Variants in FAM184B observed in about 807,000 individuals in gnomAD.
The protein encoded by FAM184B is protein FAM184B.
FAM184B carries 111 observed loss-of-function variants against 135.9 expected under a neutral mutation model. The observed-to-expected ratio is 0.82, with a 90% CI of 0.70 to 0.96. The LOEUF (loss-of-function observed/expected upper bound fraction) is 0.96. Among genes scored for constraint, FAM184B ranks in the 40% least tolerant of loss-of-function variants. The pLI, the probability that FAM184B is intolerant of heterozygous loss-of-function variation, is 0.00. For missense variants in FAM184B, 1,375 were observed against 1,323.9 expected (o/e 1.04, Z -0.60); for synonymous variants, 552 against 524.8 (o/e 1.05, Z -0.71).
intron 11 of FAM184B, among the ~76,000 whole-genome samples, chr4:17,651,353 C>T (rs144541508): frequency 0.015 from 2,203 of 151,770 alleles, 24 homozygotes; most frequent in Middle Eastern, 0.024. Flanking sequence ...CTGGCTAACA[C>T]GGTGAAACCT....
At chr4:17,745,522 G>A (rs980373869) in intron 1 of FAM184B, among the ~76,000 whole-genome samples, 6 of 152,154 alleles carry the variant, frequency 3.9e-5, no homozygotes, top group Non-Finnish European at 8.8e-5. Flanking sequence ...TACTGGCCTG[G>A]CCAAGACCCT....
intron 7 of FAM184B, among the ~76,000 whole-genome samples, chr4:17,678,669 G>A (rs12509962): frequency 0.51 from 77,969 of 151,976 alleles, 22,827 homozygotes; most frequent in East Asian, 0.82. Context: ...CCAGAACTAG[G>A]AAAAAACAAA....
chr4:17,781,232 C>T lies in FAM184B; in HGVS notation c.68G>A (p.Gly23Asp), dbSNP rs1178672664. 6.4e-7 allele frequency: 1 copy of T among 1,551,010 alleles called. No individual in the cohort carries two copies. The highest frequency in any genetic ancestry group is 8.7e-7 in the Non-Finnish European group (1 of 1,146,682). ...GTCQGSKADG[G>D]AGWRMDCDPQ... is the part of the protein sequence containing the mutation. ...ATCACAGTCCATTCTCCAGCCGGCG[C>T]CACCGTCGGCTTTGGAGCCCTGGCA... is the stretch of plus-strand genomic sequence containing the variant. The change falls in exon 1 of 18, where the codon GGC becomes GAC. Residue 23 changes from glycine (G) to aspartate (D), a missense_variant. Coordinates refer to ENST00000265018, the MANE Select transcript of FAM184B (RefSeq NM_015688.2). The surrounding 1 kb of genome is among the most constrained non-coding windows in gnomAD (Gnocchi z 6.5).
chr4:17,721,301 G>A (rs968131751), intron 1 of FAM184B, among the ~76,000 whole-genome samples: 7 of 147,154 alleles, frequency 4.8e-5, no homozygotes, highest in East Asian at 2.0e-4. Flanking sequence ...GGAGAATGGC[G>A]TGAACCCGGG....
intron 8 of FAM184B, among the ~76,000 whole-genome samples, chr4:17,662,260 G>C (rs888615833): frequency 6.6e-6 from 1 of 152,088 alleles, no homozygotes; most frequent in Non-Finnish European, 1.5e-5. Context: ...ATAGACATTT[G>C]GATTGTTTAC....
chr4:17,742,153 TA>T (rs1560190667), intron 1 of FAM184B, among the ~76,000 whole-genome samples: 94 of 81,436 alleles, frequency 1.2e-3, no homozygotes, highest in Middle Eastern at 0.012. Context: ...TATATATATA[TA>T]TATATATATA....
intron 13 of FAM184B, 148 bp from the exon 14 acceptor site, chr4:17,639,544 C>T: frequency 1.0e-6 from 1 of 980,686 alleles, no homozygotes; most frequent in Non-Finnish European, 1.5e-6. Context: ...GGAAGAAGAG[C>T]TGAAGTCTCT....
intron 16 of FAM184B, chr4:17,634,147 G>T: frequency 6.6e-6 from 2 of 302,576 alleles, no homozygotes; most frequent in Non-Finnish European, 1.2e-5. Flanking sequence ...TTTTGTTTAA[G>T]ATTTTAGAAG....
chr4:17,744,688 C>T (rs1718120670), intron 1 of FAM184B, among the ~76,000 whole-genome samples: 1 of 151,310 alleles, frequency 6.6e-6, no homozygotes, highest in East Asian at 1.9e-4. Context: ...CCATTGCACT[C>T]CAGCCTGGGG....
At chr4:17,690,978 A>C (rs990594372) in intron 6 of FAM184B, among the ~76,000 whole-genome samples, 3 of 152,152 alleles carry the variant, frequency 2.0e-5, no homozygotes, top group African/African-American at 7.2e-5. Flanking sequence ...TTGTAGCATC[A>C]TTTAGGGGGT....
Position 17,781,471 on chromosome 4 carries a change from G to A in FAM184B, c.-172C>T. On this transcript the variant is annotated 5_prime_UTR_variant, in exon 1 of 18. Transcript: ENST00000265018. The surrounding 1 kb of genome is among the most constrained non-coding windows in gnomAD (Gnocchi z 6.5). Reference sequence around the variant, plus strand: ...GCTTCCCGAAGGTCTCCGCCTCCCGGGCCCACCCGCGCGCCCACCCTTTTT... The same window carrying A: ...GCTTCCCGAAGGTCTCCGCCTCCCGAGCCCACCCGCGCGCCCACCCTTTTT... 1 of 773,660 alleles carries A rather than the reference G, an allele frequency of 1.3e-6. No individual in the cohort carries two copies. Among genetic ancestry groups the A allele is most frequent in the African/African-American group, 1.8e-5 (1 of 54,180 alleles). The allele number at this position is 773,660 out of a possible 1,614,324, so 47.9% of individuals were successfully genotyped here. A position where few individuals can be genotyped will look rare whatever the true frequency, so the allele number is the denominator to read the frequency against.
At chr4:17,636,415 T>G (rs1715138387) in intron 15 of FAM184B, 113 bp downstream of exon 15, 3 of 826,774 alleles carry the variant, frequency 3.6e-6, no homozygotes, top group Admixed American at 2.2e-5. Flanking sequence ...AAAGGATTCT[T>G]TGTAAGATAT....
chr4:17,771,210 T>C (rs1407846685), intron 1 of FAM184B, among the ~76,000 whole-genome samples: 1 of 152,178 alleles, frequency 6.6e-6, no homozygotes, highest in Non-Finnish European at 1.5e-5. Flanking sequence ...ATATTCCCAC[T>C]GGCAGTGTAT....
At chr4:17,773,836 C>T (rs577814517) in intron 1 of FAM184B, among the ~76,000 whole-genome samples, 2 of 152,292 alleles carry the variant, frequency 1.3e-5, no homozygotes, top group South Asian at 2.1e-4. Flanking sequence ...CTTGGCCTCC[C>T]GAAGTGCTGG....
At chr4:17,666,495 G>GTTTTTTTTTTTTTT (rs1716053639) in intron 7 of FAM184B, among the ~76,000 whole-genome samples, 1 of 19,680 alleles carries the variant, frequency 5.1e-5, no homozygotes, top group Non-Finnish European at 1.1e-4. Flanking sequence ...TTTTTTTTTT[G>GTTTTTTTTTTTTTT]GTATTTTTAG....
intron 1 of FAM184B, among the ~76,000 whole-genome samples, chr4:17,757,230 G>T (rs1233908229): frequency 6.6e-6 from 1 of 152,096 alleles, no homozygotes; most frequent in Non-Finnish European, 1.5e-5. Context: ...AAACCCTATA[G>T]ATCAAATAAC....
At chr4:17,634,373 G>C in intron 16 of FAM184B, among the ~76,000 whole-genome samples, 1 of 152,136 alleles carries the variant, frequency 6.6e-6, no homozygotes. Flanking sequence ...ACCCAAGCTG[G>C]AGTACGGTGG....
At chr4:17,728,791 A>G (rs1717700506) in intron 1 of FAM184B, among the ~76,000 whole-genome samples, 1 of 152,224 alleles carries the variant, frequency 6.6e-6, no homozygotes, top group South Asian at 2.1e-4. Context: ...CCGAATAGGA[A>G]CAGCTCTGGT....
At chr4:17,707,577 C>A in intron 3 of FAM184B, 72 bp downstream of exon 3, 1 of 1,530,078 alleles carries the variant, frequency 6.5e-7, no homozygotes, top group Admixed American at 2.0e-5. Flanking sequence ...CAGGCTTAGG[C>A]TGCCAGTAGC....
Sources: gnomAD v4.1 joint callset for allele counts (sites outside exome capture counted in the v4.1 genomes callset) on GRCh38, gnomAD v4.1.1 for gene constraint, Gnocchi (gnomAD v3.1) non-coding constraint, MANE v1.5 for transcripts, NCBI Gene and HGNC (gene_info 2026-07-23, HGNC 2026-07-21) for gene names.